The following MAPKAP1 variants were observed in gnomAD, a reference collection of about 807,000 sequenced individuals.
The protein encoded by MAPKAP1 is target of rapamycin complex 2 subunit MAPKAP1.
Under a neutral mutation model 65.7 loss-of-function variants are expected in MAPKAP1, and 20 were observed. That is an observed-to-expected ratio of 0.30 (90% CI 0.21 to 0.44). MAPKAP1 has a LOEUF of 0.44. Among genes scored for constraint, MAPKAP1 ranks in the 20% least tolerant of loss-of-function variants. MAPKAP1 has a pLI of 1.00. For missense variants in MAPKAP1, 423 were observed against 648.0 expected (o/e 0.65, Z 3.77); for synonymous variants, 222 against 244.3 (o/e 0.91, Z 0.85).
chr9:125,586,374 G>A (rs1324334153), intron 4 of MAPKAP1, among the ~76,000 whole-genome samples: 2 of 152,128 alleles, frequency 1.3e-5, no homozygotes, highest in Non-Finnish European at 2.9e-5. Context: ...AAGAGCTGCT[G>A]CGCTAATCAG....
At chr9:125,614,276 GT>G (rs1353816583) in intron 4 of MAPKAP1, among the ~76,000 whole-genome samples, 3 of 151,964 alleles carry the variant, frequency 2.0e-5, no homozygotes, top group African/African-American at 7.2e-5. Flanking sequence ...CCAAAGCTGA[GT>G]TTATTGTATC....
At chr9:125,682,959 CT>C (rs5900668) in intron 1 of MAPKAP1, among the ~76,000 whole-genome samples, 62,995 of 137,378 alleles carry the variant, frequency 0.46, 14,139 homozygotes, top group African/African-American at 0.62. Context: ...ATTTTAAATT[CT>C]TTTTTTTTTT....
intron 5 of MAPKAP1, among the ~76,000 whole-genome samples, chr9:125,575,213 T>C (rs1831357293): frequency 6.6e-6 from 1 of 152,132 alleles, no homozygotes; most frequent in African/African-American, 2.4e-5. Context: ...ATTTTAAAAA[T>C]TAGCCAAGTG....
intron 5 of MAPKAP1, among the ~76,000 whole-genome samples, chr9:125,573,569 T>C (rs1831304680): frequency 6.6e-6 from 1 of 152,228 alleles, no homozygotes; most frequent in Non-Finnish European, 1.5e-5. Context: ...CAAACTTGCT[T>C]TCATTTTGCA....
intron 11 of MAPKAP1, among the ~76,000 whole-genome samples, chr9:125,443,161 A>G (rs925585962): frequency 5.3e-5 from 8 of 152,222 alleles, no homozygotes; most frequent in Non-Finnish European, 1.2e-4. Flanking sequence ...CCCTCAGCAT[A>G]TCTTCGCTAC....
rs3051230 is a variant in MAPKAP1 at position 125,511,164 on chromosome 9, C to CCATCAT, written c.959-4753_959-4748dup. Among the ~76,000 whole-genome samples, 854 of 147,058 alleles carry CCATCAT rather than the reference C, an allele frequency of 5.8e-3. 6 individuals are homozygous for CCATCAT. The highest frequency in any genetic ancestry group is 0.016 in the African/African-American group (638 of 39,750). On this transcript the variant is annotated intron_variant, in intron 7 of 11. Coordinates refer to ENST00000265960, the MANE Select transcript of MAPKAP1 (RefSeq NM_001006617.3). The stretch of plus-strand genomic sequence containing the variant: ...ATTTAAGTATCAGCTATCATCATCA[C>CCATCAT]CATCATCATCATCATCATCATCATC...
intron 4 of MAPKAP1, among the ~76,000 whole-genome samples, chr9:125,588,259 G>A (rs1831848718): frequency 6.6e-6 from 1 of 152,060 alleles, no homozygotes; most frequent in Admixed American, 6.6e-5. Flanking sequence ...ACACAGCATG[G>A]GTGTACCATG....
chr9:125,655,141 T>C lies in MAPKAP1; in HGVS notation c.498+2510A>G, dbSNP rs1002965250. On this transcript the variant is annotated intron_variant, in intron 4 of 11. Transcript: ENST00000265960. ...GAAAAAACTGGAGTATCAAAATACA[T>C]AGAAAACCCTTACATTTGAGGCTAA... is the stretch of plus-strand genomic sequence containing the variant. 2.0e-5 allele frequency among the ~76,000 whole-genome samples: 3 copies of C among 152,230 alleles called. No homozygotes were observed. The South Asian group carries it at 6.2e-4, about 32-fold the overall frequency.
chr9:125,620,685 T>C (rs1268203155), intron 4 of MAPKAP1, among the ~76,000 whole-genome samples: 1 of 152,196 alleles, frequency 6.6e-6, no homozygotes, highest in Non-Finnish European at 1.5e-5. Flanking sequence ...TATGAAGGGA[T>C]GAGAAATTCT....
chr9:125,693,000 T>C (rs1315278394), intron 1 of MAPKAP1, among the ~76,000 whole-genome samples: 1 of 152,164 alleles, frequency 6.6e-6, no homozygotes, highest in Non-Finnish European at 1.5e-5. Context: ...CCATCAGAAC[T>C]TCTGGCTTTG....
intron 4 of MAPKAP1, among the ~76,000 whole-genome samples, chr9:125,623,823 G>A (rs1250966256): frequency 8.2e-4 from 30 of 36,494 alleles, no homozygotes; most frequent in African/African-American, 1.7e-3. Flanking sequence ...TCAGCCCCCC[G>A]CCCGGCCAGC....
chr9:125,543,905 G>C (rs778794439), intron 6 of MAPKAP1, among the ~76,000 whole-genome samples: 3 of 152,122 alleles, frequency 2.0e-5, no homozygotes, highest in Non-Finnish European at 4.4e-5. Flanking sequence ...TAAGCTCATG[G>C]AGCCCCAGAC....
intron 9 of MAPKAP1, among the ~76,000 whole-genome samples, chr9:125,481,177 G>C (rs1032303243): frequency 4.1e-4 from 63 of 152,244 alleles, no homozygotes; most frequent in African/African-American, 1.5e-3. Flanking sequence ...TGCAGAGCTT[G>C]GGCTCCTCCC....
intron 5 of MAPKAP1, among the ~76,000 whole-genome samples, chr9:125,570,951 G>T (rs1027059561): frequency 2.0e-4 from 31 of 151,790 alleles, no homozygotes; most frequent in African/African-American, 7.5e-4. Context: ...GGGTTATAAA[G>T]GTTTATAAGA....
At chr9:125,473,697 C>G (rs1026950757) in intron 9 of MAPKAP1, among the ~76,000 whole-genome samples, 1 of 152,168 alleles carries the variant, frequency 6.6e-6, no homozygotes, top group African/African-American at 2.4e-5. Context: ...ACAGACTGAG[C>G]GCCCACTCTG....
At chr9:125,565,837 T>C (rs1399510209) in intron 5 of MAPKAP1, 2 of 309,612 alleles carry the variant, frequency 6.5e-6, no homozygotes, top group Non-Finnish European at 1.3e-5. Context: ...TAGCATGTGG[T>C]GTAACACATA....
At chr9:125,532,863 ATAAACATT>A (rs1829971312) in intron 7 of MAPKAP1, among the ~76,000 whole-genome samples, 1 of 152,268 alleles carries the variant, frequency 6.6e-6, no homozygotes, top group Non-Finnish European at 1.5e-5. Flanking sequence ...AAAGTATTTA[ATAAACATT>A]TAACTAAAAA....
At chr9:125,672,237 A>T in intron 2 of MAPKAP1, 79 bp downstream of exon 2, 1 of 1,498,668 alleles carries the variant, frequency 6.7e-7, no homozygotes, top group Non-Finnish European at 9.1e-7. Flanking sequence ...CATTAAGCCT[A>T]TTCCAATATT....
chr9:125,587,906 A>C (rs1831836558), intron 4 of MAPKAP1, among the ~76,000 whole-genome samples: 1 of 152,168 alleles, frequency 6.6e-6, no homozygotes, highest in African/African-American at 2.4e-5. Context: ...AACCCAAAAA[A>C]CCCCAAAAAT....
Sources: gnomAD v4.1 joint callset for allele counts (sites outside exome capture counted in the v4.1 genomes callset) on GRCh38, gnomAD v4.1.1 for gene constraint, MANE v1.5 for transcripts, NCBI Gene and HGNC (gene_info 2026-07-23, HGNC 2026-07-21) for gene names.